LRRK2: variants seen among roughly 807,000 people sequenced by gnomAD.
LRRK2 encodes leucine-rich repeat serine/threonine-protein kinase 2.
A neutral mutation model predicts 302.6 loss-of-function variants in LRRK2; 203 were observed. The observed-to-expected ratio is 0.67, with a 90% CI of 0.60 to 0.75. LRRK2 has a LOEUF of 0.75. Among genes scored for constraint, LRRK2 ranks in the 30% least tolerant of loss-of-function variants. The pLI is 0.00. For synonymous variants in LRRK2, 1,066 were observed against 1,031.9 expected (o/e 1.03, Z -0.63); for missense variants, 2,830 against 2,951.0 (o/e 0.96, Z 0.95).
intron 11 of LRRK2, among the ~76,000 whole-genome samples, chr12:40,255,949 C>T (rs1382849843): frequency 6.6e-6 from 1 of 152,128 alleles, no homozygotes; most frequent in African/African-American, 2.4e-5. Flanking sequence ...CATGTTTTGT[C>T]CTATCTTCTT....
At chr12:40,275,114 T>C in intron 16 of LRRK2, 121 bp downstream of exon 16, 5 of 1,087,680 alleles carry the variant, frequency 4.6e-6, no homozygotes, top group Non-Finnish European at 6.9e-6. Flanking sequence ...CATTTATCCT[T>C]TTGTAGTATT....
At chr12:40,306,196 CCTT>C (rs1944817490) in intron 28 of LRRK2, among the ~76,000 whole-genome samples, 1 of 152,208 alleles carries the variant, frequency 6.6e-6, no homozygotes, top group Admixed American at 6.5e-5. Context: ...GGCTTCTCCT[CCTT>C]CTGTTTCTTT....
At chr12:40,355,719 T>C (rs1377894058) in intron 45 of LRRK2, among the ~76,000 whole-genome samples, 1 of 152,012 alleles carries the variant, frequency 6.6e-6, no homozygotes, top group Non-Finnish European at 1.5e-5. Context: ...ATTTTTTACA[T>C]TTTTAGTAGA....
chr12:40,328,311 T>G, intron 38 of LRRK2, 49 bp from the exon 39 acceptor site: 1 of 1,447,102 alleles, frequency 6.9e-7, no homozygotes, highest in Non-Finnish European at 9.7e-7. Flanking sequence ...ATTTAGTTTT[T>G]TTCGCTTGGA....
In LRRK2 at chr12:40,287,399, G is replaced by C; in HGVS notation, c.2549G>C (p.Ser850Thr). The part of the protein sequence containing the change: ...ARMVIRYQMK[S>T]AVEEGTASGS... The stretch of plus-strand genomic sequence containing the variant: ...ATGGTGATCAGATATCAGATGAAAA[G>C]TGCTGTGGAAGAAGGAACAGCCTCA... The change falls in exon 20 of 51, where the codon AGT (serine) becomes ACT (threonine). Residue 850 changes from serine to threonine, a missense_variant. Ser to Thr is a moderately conservative substitution (Grantham distance 58). Around this residue, in one of 3 missense-constraint regions of LRRK2, gnomAD observed 2,121 missense variants for 2,148.0 expected, o/e 0.99. Transcript: ENST00000298910. 1 of 1,612,750 alleles carries C rather than the reference G, an allele frequency of 6.2e-7. No homozygotes were observed. The highest frequency in any genetic ancestry group is 1.1e-5 in the South Asian group (1 of 91,046).
intron 19 of LRRK2, among the ~76,000 whole-genome samples, chr12:40,284,787 A>G (rs775805023): frequency 1.3e-5 from 2 of 152,244 alleles, no homozygotes; most frequent in African/African-American, 2.4e-5. Flanking sequence ...ACTTAGTCCC[A>G]TGCCCATCTC....
rs78029637 is a variant in LRRK2 at position 40,340,436 on chromosome 12, A to T, written c.6091A>T (p.Thr2031Ser). 1 of 1,613,694 alleles carries T rather than the reference A, an allele frequency of 6.2e-7. No homozygotes were observed. Among genetic ancestry groups the T allele is most frequent in the Admixed American group, 1.7e-5 (1 of 59,978 alleles). Residue 2031 changes from threonine (T) to serine (S), a missense_variant, in exon 41 of 51, where the codon ACA becomes TCA. Around this residue, in one of 3 missense-constraint regions of LRRK2, gnomAD observed 253 missense variants for 346.7 expected, o/e 0.73. Coordinates refer to ENST00000298910, the MANE Select transcript of LRRK2 (RefSeq NM_198578.4). ...AQYCCRMGIK[T>S]SEGTPGFRAP... is the part of the protein sequence containing the mutation. ...GTACTGCTGTAGAATGGGGATAAAA[A>T]CATCAGAGGGCACACCAGGTAGGTG...
chr12:40,338,564 T>G (rs1592309220), intron 40 of LRRK2, among the ~76,000 whole-genome samples: 1 of 152,202 alleles, frequency 6.6e-6, no homozygotes, highest in East Asian at 1.9e-4. Flanking sequence ...GGAAAAATCT[T>G]TACTTATTAT....
chr12:40,351,455 A>AT lies in LRRK2; in HGVS notation c.6382-83dup, dbSNP rs1946348134. ...GTTTTAGGTTTTGCTTGACAGAGCTATAACACTTCAGTCTATATTTGATTT... is the reference window on the plus strand; with the variant it reads ...GTTTTAGGTTTTGCTTGACAGAGCTATTAACACTTCAGTCTATATTTGATTT... On this transcript the variant is annotated intron_variant, in intron 43 of 50. Transcript: ENST00000298910. The AT allele has an allele frequency of 7.4e-6, 10 of 1,351,958 alleles. No individual in the cohort carries two copies. The South Asian group carries it at 1.2e-4, about 16-fold the overall frequency. 83.7% of individuals were successfully genotyped at this position (1,351,958 alleles called of 1,614,324 possible). A position where few individuals can be genotyped will look rare whatever the true frequency, so the allele number is the denominator to read the frequency against.
In LRRK2 at chr12:40,280,536, G is replaced by A. The variant is rs529342010; in HGVS notation, c.2241+2275G>A. 4.0e-5 allele frequency among the ~76,000 whole-genome samples: 6 copies of A among 151,396 alleles called. No individual in the cohort carries two copies. In the South Asian group the frequency reaches 1.3e-3, roughly 32 times the overall value. ...GCTACTTGGGAGTCTGAGGTGGGAG[G>A]ATGACTTGAGCCTGGGAGGTTGAGG... On this transcript the variant is annotated intron_variant, in intron 18 of 50. Transcript: ENST00000298910.
In LRRK2 at chr12:40,285,586, T is replaced by C. The variant is rs116911375; in HGVS notation, c.2500+1453T>C. Among the ~76,000 whole-genome samples the C allele has an allele frequency of 7.6e-3, 1,158 of 152,188 alleles. 4 individuals carry two copies. The highest frequency in any genetic ancestry group is 0.024 in the Middle Eastern group (7 of 294). On this transcript the variant is annotated intron_variant, in intron 19 of 50. Coordinates refer to ENST00000298910, the MANE Select transcript of LRRK2 (RefSeq NM_198578.4). ...ACCTCACAATGTACTGTTAGGAATC[T>C]ATGATACAGACATTCTCAATGTGCA...
At position 40,322,413 on chromosome 12, in the gene LRRK2, A is replaced by G. The variant is rs200951081; in HGVS notation, c.5412A>G (p.Gly1804=). ...TGGAGATTGATATTTGTGGTGAAGG[A>G]GAAACTCTGTTGAAGAAATGGGCAT... ...GLLEIDICGE[G]ETLLKKWALY... is the part of the protein sequence containing the mutation. The change falls in exon 37 of 51, where the codon GGA becomes GGG. Residue 1804 remains glycine (G), a synonymous_variant. Coordinates refer to ENST00000298910, the MANE Select transcript of LRRK2 (RefSeq NM_198578.4). 8.2e-5 allele frequency: 133 copies of G among 1,613,380 alleles called. No individual in the cohort carries two copies. Among genetic ancestry groups the G allele is most frequent in the Non-Finnish European group, 1.1e-4 (127 of 1,179,566 alleles).
At chr12:40,290,993 G>A (rs1235376074) in intron 20 of LRRK2, among the ~76,000 whole-genome samples, 1 of 152,004 alleles carries the variant, frequency 6.6e-6, no homozygotes, top group East Asian at 1.9e-4. Flanking sequence ...ATTTTGATGT[G>A]TCCTCTTTCT....
chr12:40,225,725 T>C, intron 2 of LRRK2, 85 bp downstream of exon 2: 2 of 1,234,496 alleles, frequency 1.6e-6, no homozygotes, highest in Non-Finnish European at 2.3e-6. Context: ...TAGCCGAGAG[T>C]TCTTGGTTAT....
chr12:40,271,410 G>T (rs929448227), intron 14 of LRRK2, among the ~76,000 whole-genome samples: 10 of 152,064 alleles, frequency 6.6e-5, no homozygotes, highest in African/African-American at 2.4e-4. Context: ...TTTTTCCATT[G>T]AGCTGGCTAG....
chr12:40,352,183 G>A lies in LRRK2; in HGVS notation c.6576+450G>A, dbSNP rs548283905. 1.2e-3 allele frequency among the ~76,000 whole-genome samples: 186 copies of A among 152,210 alleles called. 1 individual carries two copies. Among genetic ancestry groups the A allele is most frequent in the African/African-American group, 4.0e-3 (166 of 41,544 alleles). On this transcript the variant is annotated intron_variant, in intron 44 of 50. Coordinates refer to ENST00000298910, the MANE Select transcript of LRRK2 (RefSeq NM_198578.4). ...ATTGGCTGCAATCTGCTGGGAGGTG[G>A]GGGTAGTGTAACTTTCAAGGCATTT...
chr12:40,280,894 G>A lies in LRRK2; in HGVS notation c.2241+2633G>A, dbSNP rs138308912. On this transcript the variant is annotated intron_variant, in intron 18 of 50. Transcript: ENST00000298910. ...ATCCTGGCTAACCCGGTGAAACCTT[G>A]TTTCTACTAAAAAAATACAAAAAAT... Among the ~76,000 whole-genome samples the A allele has an allele frequency of 3.5e-4, 53 of 151,480 alleles. 1 individual carries two copies. Among genetic ancestry groups the A allele is most frequent in the African/African-American group, 1.2e-3 (50 of 41,420 alleles).
In LRRK2 at chr12:40,298,583, A is replaced by G. The variant is rs926220364; in HGVS notation, c.3347+90A>G. ...GACATTTTTATAGCAATGAGTTTTA[A>G]CAACATGGTGAAACTCCATCTCTAC... On this transcript the variant is annotated intron_variant, in intron 24 of 50. Transcript: ENST00000298910. The G allele has an allele frequency of 2.3e-5, 34 of 1,500,084 alleles. 1 individual carries two copies. The Middle Eastern group carries it at 5.1e-4, about 23-fold the overall frequency. The allele number at this position is 1,500,084 out of a possible 1,614,324, so 92.9% of individuals were successfully genotyped here. A position where few individuals can be genotyped will look rare whatever the true frequency, so the allele number is the denominator to read the frequency against.
chr12:40,275,299 A>G (rs1943402560), intron 16 of LRRK2, among the ~76,000 whole-genome samples: 1 of 152,152 alleles, frequency 6.6e-6, no homozygotes, highest in African/African-American at 2.4e-5. Flanking sequence ...GATAAATAGA[A>G]TTTATAAATA....
Sources: gnomAD v4.1 joint callset for allele counts (sites outside exome capture counted in the v4.1 genomes callset) on GRCh38, gnomAD v4.1.1 for gene constraint, gnomAD v4.1.1 regional missense constraint, MANE v1.5 for transcripts, NCBI Gene and HGNC (gene_info 2026-07-23, HGNC 2026-07-21) for gene names.